RIMS2: variants seen among roughly 807,000 people sequenced by gnomAD.
The protein encoded by RIMS2 is regulating synaptic membrane exocytosis protein 2.
In RIMS2, 59 loss-of-function variants were observed where a neutral mutation model predicts 174.4. That is an observed-to-expected ratio of 0.34 (90% confidence interval 0.27 to 0.42). The LOEUF is 0.42. Among genes scored for constraint, RIMS2 ranks in the 10% least tolerant of loss-of-function variants. The pLI, the probability that RIMS2 is intolerant of heterozygous loss-of-function variation, is 1.00. For synonymous variants in RIMS2, 606 were observed against 572.5 expected, an observed-to-expected ratio of 1.06 and a Z score of -0.84; for missense variants, 1,620 against 1,666.3, an observed-to-expected ratio of 0.97 and a Z score of 0.48.
chr8:103,708,814 G>A (rs1278119039), intron 2 of RIMS2, among the ~76,000 whole-genome samples: 1 of 152,022 alleles, frequency 6.6e-6, no homozygotes, highest in Non-Finnish European at 1.5e-5. Flanking sequence ...TTGGTTTGAG[G>A]TTTGTTGAGG....
chr8:104,148,683 G>A (rs769335478), intron 19 of RIMS2: 5 of 1,598,266 alleles, frequency 3.1e-6, no homozygotes, highest in Non-Finnish European at 4.2e-6. Context: ...CAGCATCAGT[G>A]GAGACATGTG....
intron 19 of RIMS2, among the ~76,000 whole-genome samples, chr8:104,212,985 C>A (rs1035691831): frequency 6.6e-6 from 1 of 152,118 alleles, no homozygotes; most frequent in African/African-American, 2.4e-5. Context: ...CTGTAAACCC[C>A]TATTTATCCT....
chr8:103,750,141 C>T (rs193203606), intron 2 of RIMS2, among the ~76,000 whole-genome samples: 1 of 152,090 alleles, frequency 6.6e-6, no homozygotes, highest in Admixed American at 6.5e-5. Flanking sequence ...ACTGGATTCA[C>T]TGCATATTGA....
intron 19 of RIMS2, among the ~76,000 whole-genome samples, chr8:104,059,176 T>G (rs1367913288): frequency 2.6e-5 from 4 of 151,524 alleles, no homozygotes; most frequent in Non-Finnish European, 5.9e-5. Flanking sequence ...GCCATTTTCA[T>G]GATATTGATT....
In RIMS2 at chr8:103,954,510, A is replaced by C. The variant is rs538482606; in HGVS notation, c.2702-6555A>C. Among the ~76,000 whole-genome samples, 509 of 152,298 alleles carry C rather than the reference A, an allele frequency of 3.3e-3. 4 individuals are homozygous for C. Among genetic ancestry groups the C allele is most frequent in the African/African-American group, 0.012 (485 of 41,554 alleles). On this transcript the variant is annotated intron_variant, in intron 14 of 23. Transcript: ENST00000504942. ...CCTGCTCCTGAATGACTACTGGGTA[A>C]ATAACGAAATGAAGGCAGAAATAAA... is the stretch of plus-strand genomic sequence containing the variant.
intron 2 of RIMS2, among the ~76,000 whole-genome samples, chr8:103,753,464 G>A (rs2097922296): frequency 6.6e-6 from 1 of 152,126 alleles, no homozygotes; most frequent in South Asian, 2.1e-4. Context: ...TGAGTTAGGG[G>A]GAGGATTCCC....
At chr8:104,143,977 A>G (rs1351191010) in intron 19 of RIMS2, among the ~76,000 whole-genome samples, 1 of 152,186 alleles carries the variant, frequency 6.6e-6, no homozygotes. Context: ...ACCTCTATTC[A>G]TTCAAACCTA....
chr8:103,612,115 A>G (rs1564011026), intron 1 of RIMS2, among the ~76,000 whole-genome samples: 1 of 151,984 alleles, frequency 6.6e-6, no homozygotes, highest in Non-Finnish European at 1.5e-5. Context: ...GTAACTCTAG[A>G]ATTTCTGCTT....
At chr8:103,593,712 A>G (rs2094362816) in intron 1 of RIMS2, among the ~76,000 whole-genome samples, 1 of 151,452 alleles carries the variant, frequency 6.6e-6, no homozygotes, top group African/African-American at 2.4e-5. Context: ...TTCTCAGTAA[A>G]TCTTTTGAGA....
At chr8:103,974,169 A>T (rs967358637) in intron 15 of RIMS2, among the ~76,000 whole-genome samples, 3 of 152,294 alleles carry the variant, frequency 2.0e-5, no homozygotes, top group African/African-American at 7.2e-5. Context: ...TCCTGAGGGC[A>T]CTACTTCACT....
At chr8:104,135,763 G>C (rs2098514589) in intron 19 of RIMS2, among the ~76,000 whole-genome samples, 1 of 151,936 alleles carries the variant, frequency 6.6e-6, no homozygotes, top group South Asian at 2.1e-4. Context: ...AAGAGTGTTT[G>C]AAATGATGGG....
At chr8:103,642,438 A>G (rs1287976280) in intron 1 of RIMS2, among the ~76,000 whole-genome samples, 2 of 152,076 alleles carry the variant, frequency 1.3e-5, no homozygotes, top group Non-Finnish European at 2.9e-5. Flanking sequence ...TCCACATTTG[A>G]GAAACTGATA....
intron 1 of RIMS2, among the ~76,000 whole-genome samples, chr8:103,586,113 G>A (rs1372747144): frequency 6.6e-6 from 1 of 152,088 alleles, no homozygotes; most frequent in East Asian, 1.9e-4. Flanking sequence ...TATTATTAGA[G>A]CTAAAGAGAG....
chr8:103,838,649 A>G (rs956777148), intron 3 of RIMS2, among the ~76,000 whole-genome samples: 15 of 152,200 alleles, frequency 9.9e-5, no homozygotes, highest in African/African-American at 3.6e-4. Flanking sequence ...AAAGTTACGA[A>G]TATTTTGGAT....
At chr8:104,197,703 C>T (rs1431650240) in intron 19 of RIMS2, among the ~76,000 whole-genome samples, 1 of 152,078 alleles carries the variant, frequency 6.6e-6, no homozygotes, top group Non-Finnish European at 1.5e-5. Flanking sequence ...AAGCCAGGGA[C>T]TCAGAGTGCC....
intron 1 of RIMS2, among the ~76,000 whole-genome samples, chr8:103,651,848 TA>T (rs1238127915): frequency 6.6e-6 from 1 of 152,008 alleles, no homozygotes; most frequent in Non-Finnish European, 1.5e-5. Context: ...AAGGAAAAAT[TA>T]AAAAAAGGAA....
At chr8:103,885,882 C>T in exon 4 of RIMS2, 2 of 1,612,946 alleles carry the variant, frequency 1.2e-6, no homozygotes, top group Non-Finnish European at 1.7e-6. Context: ...GCACAAAGGA[C>T]CACAAACCAT....
intron 3 of RIMS2, among the ~76,000 whole-genome samples, chr8:103,767,486 A>G (rs2098189762): frequency 6.6e-6 from 1 of 151,942 alleles, no homozygotes; most frequent in South Asian, 2.1e-4. Flanking sequence ...TGCCCGGCCT[A>G]TTTTTCTATA....
At chr8:103,532,347 C>T (rs1837575808) in intron 1 of RIMS2, among the ~76,000 whole-genome samples, 2 of 152,144 alleles carry the variant, frequency 1.3e-5, no homozygotes, top group Admixed American at 6.5e-5. Context: ...GCAAATACTG[C>T]TTATGGGCAA....
Sources: allele counts gnomAD v4.1 joint callset (sites outside exome capture counted in the v4.1 genomes callset), GRCh38; gene constraint gnomAD v4.1.1; transcripts MANE v1.5; gene names NCBI Gene and HGNC (gene_info 2026-07-23, HGNC 2026-07-21).